Variants in VSX1 observed in about 807,000 individuals in gnomAD.
The protein encoded by VSX1 is homeodomain protein RINX.
A neutral mutation model predicts 23.6 loss-of-function variants in VSX1; 23 were observed. The ratio of observed to expected loss-of-function variants is 0.97; its 90% confidence interval spans 0.70 to 1.38. The LOEUF (loss-of-function observed/expected upper bound fraction) is 1.38. Among genes scored for constraint, VSX1 ranks in the 40% most tolerant of loss-of-function variants. The probability of loss-of-function intolerance (pLI) is 0.00; values close to 1 mark genes in which losing one functional copy is unlikely to be tolerated. For synonymous variants in VSX1, 247 were observed against 215.1 expected, an observed-to-expected ratio of 1.15 and a Z score of -1.30; for missense variants, 517 against 495.4, an observed-to-expected ratio of 1.04 and a Z score of -0.41.
chr20:25,076,941 T>C (rs2089509274), intron 4 of VSX1, among the ~76,000 whole-genome samples: 1 of 152,222 alleles, frequency 6.6e-6, no homozygotes, highest in Non-Finnish European at 1.5e-5. Flanking sequence ...ATATCTATGA[T>C]TGGAACCTCC....
downstream of VSX1, chr20:25,071,812 T>C: frequency 1.4e-6 from 1 of 710,062 alleles, no homozygotes; most frequent in Non-Finnish European, 2.6e-6. Context: ...GCAAGTCTGG[T>C]AGCAGTGATC....
chr20:25,077,942 TC>T lies in VSX1; in HGVS notation c.628-78del, dbSNP rs948051980. The T allele has an allele frequency of 2.0e-6, 3 of 1,499,968 alleles. No homozygotes were observed. The African/African-American group carries it at 4.2e-5, about 21-fold the overall frequency. 92.9% of individuals were successfully genotyped at this position (1,499,968 alleles called of 1,614,324 possible). A position where few individuals can be genotyped will look rare whatever the true frequency, so the allele number is the denominator to read the frequency against. ...GGCGCCTGGAGGAGCGGAGGCGGCG[TC>T]CCAGGGCTCGGATCTTCTCTCCCGA... On this transcript the variant is annotated intron_variant, in intron 3 of 4. Coordinates refer to ENST00000376709, the MANE Select transcript of VSX1 (RefSeq NM_014588.6).
At chr20:25,072,697 C>T (rs1462645836), downstream of VSX1, 1 of 470,712 alleles carries the variant, frequency 2.1e-6, no homozygotes, top group Non-Finnish European at 4.4e-6. Context: ...CCACAGAAAA[C>T]AATTGTGTTT....
chr20:25,074,770 G>T (rs2089450735), downstream of VSX1, among the ~76,000 whole-genome samples: 1 of 152,180 alleles, frequency 6.6e-6, no homozygotes, highest in Non-Finnish European at 1.5e-5. Flanking sequence ...AGCTAAGGAA[G>T]AGGGATGGAA....
At chr20:25,081,084 C>A (rs2089629875) in intron 1 of VSX1, among the ~76,000 whole-genome samples, 1 of 152,256 alleles carries the variant, frequency 6.6e-6, no homozygotes. Flanking sequence ...TACAATGAAT[C>A]CCCAAGGTTG....
chr20:25,076,690 G>A, intron 4 of VSX1, 140 bp from the exon 5 acceptor site: 1 of 1,017,936 alleles, frequency 9.8e-7, no homozygotes, highest in African/African-American at 1.6e-5. Context: ...TACAGGAGAG[G>A]CAGGTAGGTA....
At chr20:25,078,631 C>A in intron 3 of VSX1, 198 bp downstream of exon 3, 1 of 1,474,614 alleles carries the variant, frequency 6.8e-7, no homozygotes, top group Non-Finnish European at 9.0e-7. Context: ...TGATTTGATA[C>A]TAAATAATAA....
Position 25,077,789 on chromosome 20 carries a change from T to C in VSX1, c.704A>G (p.Tyr235Cys). 1 of 1,551,152 alleles carries C rather than the reference T, an allele frequency of 6.4e-7. No individual in the cohort carries two copies. The highest frequency in any genetic ancestry group is 8.7e-7 in the Non-Finnish European group (1 of 1,147,008). ...RWGGSSVMAE[Y>C]GLYGAMVRHC... ...GCGCACCATGGCCCCGTACAGCCCGTACTCGGCCATCACGCTGCTGCCGCC... is the reference window on the plus strand; with the variant it reads ...GCGCACCATGGCCCCGTACAGCCCGCACTCGGCCATCACGCTGCTGCCGCC... The change falls in exon 4 of 5, where the codon TAC (tyrosine) becomes TGC (cysteine). Residue 235 changes from tyrosine to cysteine, a missense_variant. Tyr to Cys is a radical substitution (Grantham distance 194). Transcript: ENST00000376709.
chr20:25,081,403 C>T (rs759693891), intron 1 of VSX1: 2 of 737,654 alleles, frequency 2.7e-6, no homozygotes, highest in South Asian at 1.4e-5. Flanking sequence ...CCCAGGGTCT[C>T]ATCAAAAGGT....
At position 25,076,096 on chromosome 20, in the gene VSX1, A is replaced by G; in HGVS notation, c.*165T>C. 1 of 899,352 alleles carries G rather than the reference A, an allele frequency of 1.1e-6. No individual in the cohort carries two copies. The allele number at this position is 899,352 out of a possible 1,614,324, so 55.7% of individuals were successfully genotyped here. A position where few individuals can be genotyped will look rare whatever the true frequency, so the allele number is the denominator to read the frequency against. ...TCTAGAATGAAATAGAATTTTCCCT[A>G]GGTCACTCATCTGTCCTCTTAAAGC... On this transcript the variant is annotated 3_prime_UTR_variant, in exon 5 of 5. Transcript: ENST00000376709.
At position 25,076,111 on chromosome 20, in the gene VSX1, C is replaced by T; in HGVS notation, c.*150G>A. ...AATTTTCCCTAGGTCACTCATCTGT[C>T]CTCTTAAAGCAAGTGGCATTGCATT... On this transcript the variant is annotated 3_prime_UTR_variant, in exon 5 of 5. Transcript: ENST00000376709. 3 of 1,095,994 alleles carry T rather than the reference C, an allele frequency of 2.7e-6. No individual in the cohort carries two copies. The highest frequency in any genetic ancestry group is 2.7e-6 in the Non-Finnish European group (2 of 745,804). 67.9% of individuals were successfully genotyped at this position (1,095,994 alleles called of 1,614,324 possible).
At position 25,076,041 on chromosome 20, in the gene VSX1, G is replaced by A. The variant is rs1441495337; in HGVS notation, c.*220C>T. On this transcript the variant is annotated 3_prime_UTR_variant, in exon 5 of 5. Coordinates refer to ENST00000376709, the MANE Select transcript of VSX1 (RefSeq NM_014588.6). ...CAAAAGTTTTGCACCAAGTTAACTGGTTAAAGTGCCATTAAGGAACCGTTT... is the reference window on the plus strand; with the variant it reads ...CAAAAGTTTTGCACCAAGTTAACTGATTAAAGTGCCATTAAGGAACCGTTT... 1 of 627,102 alleles carries A rather than the reference G, an allele frequency of 1.6e-6. No homozygotes were observed. The allele number at this position is 627,102 out of a possible 1,614,324, so 38.8% of individuals were successfully genotyped here.
At chr20:25,078,027 A>C (rs889378954) in intron 3 of VSX1, 162 bp from the exon 4 acceptor site, 11 of 978,236 alleles carry the variant, frequency 1.1e-5, no homozygotes, top group Non-Finnish European at 1.5e-5. Flanking sequence ...AGCCGCCCTC[A>C]GGGAGAGCGC....
chr20:25,076,593 T>C, intron 4 of VSX1, 43 bp from the exon 5 acceptor site: 2 of 1,556,386 alleles, frequency 1.3e-6, no homozygotes, highest in Non-Finnish European at 1.7e-6. Flanking sequence ...AAAATAAAAA[T>C]TTAAATTCAG....
chr20:25,081,353 T>TGG, intron 1 of VSX1: 1 of 626,400 alleles, frequency 1.6e-6, no homozygotes, highest in South Asian at 1.4e-5. Context: ...CGCCTGGCGC[T>TGG]GGGGGGAAAA....
downstream of VSX1, chr20:25,071,309 G>A (rs1303039820): frequency 4.4e-6 from 2 of 453,972 alleles, no homozygotes; most frequent in African/African-American, 2.0e-5. Context: ...AGCCTTGGGG[G>A]AACTCTTAAG....
rs2089492129 is a variant in VSX1, at chr20:25,076,377, G to C, written c.982C>G (p.Leu328Val). ...ENGLEDVAID[L>V]SSSARQETKK... ...GTCTCCTGCCGGGCAGAGCTGGAGA[G>C]GTCAATAGCCACATCTTCCAAGCCA... is the stretch of plus-strand genomic sequence containing the variant. Residue 328 changes from leucine (L) to valine (V), a missense_variant, in exon 5 of 5, where the codon CTC becomes GTC. Transcript: ENST00000376709. 1 of 1,614,112 alleles carries C rather than the reference G, an allele frequency of 6.2e-7. No homozygotes were observed. The highest frequency in any genetic ancestry group is 1.3e-5 in the African/African-American group (1 of 75,012).
downstream of VSX1, among the ~76,000 whole-genome samples, chr20:25,075,193 C>T (rs867313393): frequency 2.0e-5 from 3 of 152,330 alleles, no homozygotes; most frequent in South Asian, 6.2e-4. Flanking sequence ...AGCAGTTCCA[C>T]ACTTTCCTTG....
chr20:25,080,960 G>A (rs966200483), intron 1 of VSX1, among the ~76,000 whole-genome samples: 3 of 152,088 alleles, frequency 2.0e-5, no homozygotes, highest in African/African-American at 7.2e-5. Flanking sequence ...AAAACCACTC[G>A]TTTCCTTAGC....
Sources: allele counts gnomAD v4.1 joint callset (sites outside exome capture counted in the v4.1 genomes callset), GRCh38; gene constraint gnomAD v4.1.1; transcripts MANE v1.5; gene names NCBI Gene and HGNC (gene_info 2026-07-23, HGNC 2026-07-21).